Variants in PRKCA observed in about 807,000 individuals in gnomAD.
The protein encoded by PRKCA is protein kinase C alpha type.
PRKCA carries 27 observed loss-of-function variants against 87.0 expected under a neutral mutation model. That is an observed-to-expected ratio of 0.31 (90% CI 0.23 to 0.43). PRKCA has a LOEUF of 0.43. PRKCA is among the 20% of genes least tolerant of loss of function. The pLI is 1.00. For synonymous variants in PRKCA, 329 were observed against 311.1 expected (o/e 1.06, Z -0.61); for missense variants, 518 against 852.3 (o/e 0.61, Z 4.88).
chr17:66,335,794 T>C (rs1469723643), intron 2 of PRKCA, among the ~76,000 whole-genome samples: 1 of 152,258 alleles, frequency 6.6e-6, no homozygotes, highest in Non-Finnish European at 1.5e-5. Context: ...AATACTATGA[T>C]GAATAACCTC....
chr17:66,362,418 T>A lies in PRKCA; in HGVS notation c.205+56291T>A, dbSNP rs547231948. On this transcript the variant is annotated intron_variant, in intron 2 of 16. Transcript: ENST00000413366. ...CTCTCCCACTCTTTAGCCTTCCTGA[T>A]GCCTCTTGGCTCTCCAGGCTGGGTG... is the stretch of plus-strand genomic sequence containing the variant. 3.3e-5 allele frequency among the ~76,000 whole-genome samples: 5 copies of A among 152,320 alleles called. No individual in the cohort carries two copies. In the South Asian group the frequency reaches 1.0e-3, roughly 32 times the overall value.
intron 3 of PRKCA, among the ~76,000 whole-genome samples, chr17:66,565,245 C>T (rs908712556): frequency 6.6e-6 from 1 of 152,194 alleles, no homozygotes; most frequent in African/African-American, 2.4e-5. Flanking sequence ...GCCCGCATCC[C>T]TTCCTGGAGC....
chr17:66,303,120 C>T (rs1904603964), intron 1 of PRKCA, 96 bp downstream of exon 1: 4 of 1,486,938 alleles, frequency 2.7e-6, no homozygotes, highest in Admixed American at 2.1e-5. Context: ...CTGGCTCACT[C>T]CGATAACTTG....
At chr17:66,794,777 T>A (rs35499077) in intron 16 of PRKCA, among the ~76,000 whole-genome samples, 1 of 151,816 alleles carries the variant, frequency 6.6e-6, no homozygotes, top group Admixed American at 6.6e-5. Flanking sequence ...CCTGCCACCA[T>A]GCCTGGCTAA....
rs769392914 is a variant in PRKCA, at chr17:66,788,913, C to T, written c.1788C>T (p.Phe596=). The T allele has an allele frequency of 5.0e-6, 8 of 1,614,186 alleles. No homozygotes were observed. In the South Asian group the frequency reaches 7.7e-5, roughly 16 times the overall value. Reference sequence around the variant, plus strand: ...AGAGGGACGTGAGAGAGCATGCCTTCTTCCGGAGGATCGACTGGGAAAAAC... The same window carrying T: ...AGAGGGACGTGAGAGAGCATGCCTTTTTCCGGAGGATCGACTGGGAAAAAC... ...EGERDVREHA[F]FRRIDWEKLE... The change falls in exon 16 of 17, where the codon TTC becomes TTT. Residue 596 remains phenylalanine (F), a synonymous_variant. Transcript: ENST00000413366.
chr17:66,367,894 A>G (rs1908827883), intron 2 of PRKCA, among the ~76,000 whole-genome samples: 2 of 152,240 alleles, frequency 1.3e-5, no homozygotes, highest in Non-Finnish European at 2.9e-5. Flanking sequence ...AAACTGTTGC[A>G]TGCTAATCCT....
chr17:66,325,200 A>G (rs1046151457), intron 2 of PRKCA, among the ~76,000 whole-genome samples: 10 of 152,364 alleles, frequency 6.6e-5, no homozygotes, highest in Middle Eastern at 3.4e-3. Context: ...TTAGGCCAGA[A>G]TTGAGTTGGT....
intron 5 of PRKCA, among the ~76,000 whole-genome samples, chr17:66,663,813 G>A (rs1201905876): frequency 6.6e-6 from 1 of 151,914 alleles, no homozygotes; most frequent in Non-Finnish European, 1.5e-5. Flanking sequence ...CTGTGTTGTG[G>A]TAGCTCTTTC....
intron 2 of PRKCA, among the ~76,000 whole-genome samples, chr17:66,401,854 T>C (rs1911054509): frequency 6.6e-6 from 1 of 152,198 alleles, no homozygotes; most frequent in South Asian, 2.1e-4. Flanking sequence ...CAATTCCCTT[T>C]TGGACATTTT....
chr17:66,481,975 C>T (rs1915796195), intron 2 of PRKCA, among the ~76,000 whole-genome samples: 2 of 151,482 alleles, frequency 1.3e-5, no homozygotes, highest in African/African-American at 2.4e-5. Context: ...GTGGTGGGCA[C>T]CTGTAATCCC....
At chr17:66,323,022 T>A (rs1905773816) in intron 2 of PRKCA, among the ~76,000 whole-genome samples, 1 of 152,228 alleles carries the variant, frequency 6.6e-6, no homozygotes, top group African/African-American at 2.4e-5. Context: ...GCTTTTTAGT[T>A]TTATCACCCA....
chr17:66,670,371 T>G (rs956055210), intron 5 of PRKCA, among the ~76,000 whole-genome samples: 11 of 152,114 alleles, frequency 7.2e-5, no homozygotes, highest in Non-Finnish European at 1.2e-4. Flanking sequence ...CTCCAGATAA[T>G]TTTACAGTAA....
At chr17:66,517,099 C>T (rs909356681) in intron 3 of PRKCA, among the ~76,000 whole-genome samples, 1 of 152,128 alleles carries the variant, frequency 6.6e-6, no homozygotes, top group Non-Finnish European at 1.5e-5. Flanking sequence ...TCCTGGCCAA[C>T]ATGGTGAAAC....
chr17:66,673,221 CATT>C (rs1216701162), intron 5 of PRKCA, among the ~76,000 whole-genome samples: 2 of 152,134 alleles, frequency 1.3e-5, no homozygotes, highest in Non-Finnish European at 2.9e-5. Flanking sequence ...AAGGACTAAA[CATT>C]GTTGTTTCTC....
At chr17:66,491,317 T>C (rs1482947850) in intron 2 of PRKCA, among the ~76,000 whole-genome samples, 2 of 152,260 alleles carry the variant, frequency 1.3e-5, no homozygotes, top group Admixed American at 6.5e-5. Flanking sequence ...CCAAAGTCTT[T>C]GAAGATGAGG....
At chr17:66,585,993 A>T (rs1026471983) in intron 3 of PRKCA, among the ~76,000 whole-genome samples, 3 of 152,180 alleles carry the variant, frequency 2.0e-5, no homozygotes, top group African/African-American at 7.2e-5. Flanking sequence ...TGTTGGGTGA[A>T]TCCAGATAAA....
chr17:66,672,580 A>G (rs2143956966), intron 5 of PRKCA, among the ~76,000 whole-genome samples: 2 of 152,342 alleles, frequency 1.3e-5, no homozygotes, highest in Non-Finnish European at 2.9e-5. Context: ...CACACAGGGT[A>G]TGATCAGACT....
intron 10 of PRKCA, among the ~76,000 whole-genome samples, chr17:66,736,403 G>A (rs1974027989): frequency 6.6e-6 from 1 of 151,602 alleles, no homozygotes; most frequent in African/African-American, 2.4e-5. Flanking sequence ...TCAGCCTCTC[G>A]AGTAGCTGGG....
chr17:66,775,110 C>T, intron 14 of PRKCA: 1 of 985,372 alleles, frequency 1.0e-6, no homozygotes, highest in Non-Finnish European at 1.2e-6. Flanking sequence ...AATCTGAGAC[C>T]CTACAAGATG....
Sources: allele counts gnomAD v4.1 joint callset (sites outside exome capture counted in the v4.1 genomes callset), GRCh38; gene constraint gnomAD v4.1.1; transcripts MANE v1.5; gene names NCBI Gene and HGNC (gene_info 2026-07-23, HGNC 2026-07-21).